Variants in SYNPO2 observed in about 807,000 individuals in gnomAD.
The protein encoded by SYNPO2 is synaptopodin 2.
In SYNPO2, 56 loss-of-function variants were observed where a neutral mutation model predicts 85.0. The observed-to-expected ratio is 0.66, with a 90% CI of 0.53 to 0.82. SYNPO2 has a LOEUF of 0.82. SYNPO2 is among the 40% of genes least tolerant of loss of function. The pLI, the probability that SYNPO2 is intolerant of heterozygous loss-of-function variation, is 0.00. For synonymous variants in SYNPO2, 602 were observed against 591.1 expected, an observed-to-expected ratio of 1.02 and a Z score of -0.27; for missense variants, 1,575 against 1,534.2, an observed-to-expected ratio of 1.03 and a Z score of -0.44.
chr4:118,916,510 T>C (rs1397109257), intron 1 of SYNPO2, among the ~76,000 whole-genome samples: 1 of 151,872 alleles, frequency 6.6e-6, no homozygotes, highest in Non-Finnish European at 1.5e-5. Flanking sequence ...TCAGGTTTTG[T>C]TAGAGAAATC....
intron 1 of SYNPO2, among the ~76,000 whole-genome samples, chr4:119,007,144 TCA>T (rs1222218495): frequency 4.2e-5 from 6 of 141,898 alleles, no homozygotes; most frequent in Admixed American, 7.2e-5. Flanking sequence ...TCTCTGTCTC[TCA>T]CACACACACA....
intron 1 of SYNPO2, among the ~76,000 whole-genome samples, chr4:119,010,126 T>C (rs2149178335): frequency 6.6e-6 from 1 of 152,348 alleles, no homozygotes; most frequent in Non-Finnish European, 1.5e-5. Flanking sequence ...GGTCATCCAG[T>C]AAGCATTGAC....
At chr4:118,908,479 C>A (rs1733016949) in intron 1 of SYNPO2, among the ~76,000 whole-genome samples, 1 of 152,082 alleles carries the variant, frequency 6.6e-6, no homozygotes. Flanking sequence ...AAAATTCTCA[C>A]ATTTTAGTTC....
chr4:118,863,935 C>A (rs1731661064), intron 1 of SYNPO2, among the ~76,000 whole-genome samples: 1 of 152,106 alleles, frequency 6.6e-6, no homozygotes, highest in South Asian at 2.1e-4. Context: ...GTACTGTTTT[C>A]TTCATTCCAA....
intron 1 of SYNPO2, among the ~76,000 whole-genome samples, chr4:118,988,527 A>G (rs1268874328): frequency 1.3e-5 from 2 of 152,196 alleles, no homozygotes; most frequent in Non-Finnish European, 2.9e-5. Context: ...TTAGTTTCCA[A>G]CTGAAGTTTT....
chr4:118,968,036 G>A (rs1252172142), intron 1 of SYNPO2, among the ~76,000 whole-genome samples: 1 of 152,178 alleles, frequency 6.6e-6, no homozygotes, highest in Non-Finnish European at 1.5e-5. Flanking sequence ...AGTGCTCTTG[G>A]TTATTGGTTT....
At chr4:118,962,331 A>C (rs766345030) in intron 1 of SYNPO2, among the ~76,000 whole-genome samples, 1 of 152,218 alleles carries the variant, frequency 6.6e-6, no homozygotes, top group Non-Finnish European at 1.5e-5. Context: ...TTGACATACT[A>C]TGCTTTTTTA....
Position 118,933,041 on chromosome 4 carries a change from T to C in SYNPO2, c.105+43900T>C, listed in dbSNP as rs150585853. Among the ~76,000 whole-genome samples the C allele has an allele frequency of 4.3e-4, 65 of 152,242 alleles. 1 individual carries two copies. The East Asian group carries it at 9.8e-3, about 23-fold the overall frequency. ...AGAAAAAGGCCATAAAAATAAATAA[T>C]GTTCAAGGAGGAAAGACAAGTGAAA... On this transcript the variant is annotated intron_variant, in intron 1 of 4. Coordinates refer to ENST00000307142, the MANE Select transcript of SYNPO2 (RefSeq NM_133477.3).
chr4:118,937,492 C>T (rs1734148834), intron 1 of SYNPO2, among the ~76,000 whole-genome samples: 1 of 152,072 alleles, frequency 6.6e-6, no homozygotes, highest in African/African-American at 2.4e-5. Context: ...TTTGGAGCAC[C>T]TACATGTGTA....
At chr4:118,939,308 G>A (rs961001811) in intron 1 of SYNPO2, among the ~76,000 whole-genome samples, 1 of 152,154 alleles carries the variant, frequency 6.6e-6, no homozygotes, top group African/African-American at 2.4e-5. Flanking sequence ...TAATATCCAA[G>A]AGCACAGTCT....
intron 1 of SYNPO2, among the ~76,000 whole-genome samples, chr4:118,897,782 G>C (rs1448013401): frequency 1.3e-5 from 2 of 152,134 alleles, no homozygotes; most frequent in Admixed American, 6.5e-5. Flanking sequence ...TGGAACCAGG[G>C]CTTGTGTTCT....
At chr4:118,907,195 T>A (rs1732967085) in intron 1 of SYNPO2, among the ~76,000 whole-genome samples, 1 of 152,186 alleles carries the variant, frequency 6.6e-6, no homozygotes, top group African/African-American at 2.4e-5. Context: ...CATACGAAAA[T>A]GTAATCAATA....
chr4:118,992,686 C>G (rs1736457059), intron 1 of SYNPO2, among the ~76,000 whole-genome samples: 1 of 150,118 alleles, frequency 6.7e-6, no homozygotes, highest in Admixed American at 6.7e-5. Flanking sequence ...TGAGCCCTCT[C>G]CATGACCTAC....
At chr4:119,001,443 C>A (rs1736821444) in intron 1 of SYNPO2, among the ~76,000 whole-genome samples, 2 of 152,250 alleles carry the variant, frequency 1.3e-5, no homozygotes, top group African/African-American at 4.8e-5. Context: ...AGGTAAGTAG[C>A]TATTTAACCC....
intron 1 of SYNPO2, among the ~76,000 whole-genome samples, chr4:118,900,928 G>A (rs547260297): frequency 1.3e-5 from 2 of 151,122 alleles, no homozygotes; most frequent in South Asian, 4.2e-4. Flanking sequence ...TTCTTTCTTG[G>A]ATTCCCAGAG....
At chr4:118,883,929 A>G (rs1213379353), upstream of SYNPO2, among the ~76,000 whole-genome samples, 1 of 152,158 alleles carries the variant, frequency 6.6e-6, no homozygotes, top group Non-Finnish European at 1.5e-5. Flanking sequence ...CTTCTGGGTC[A>G]GAGACAAAGA....
intron 1 of SYNPO2, among the ~76,000 whole-genome samples, chr4:119,009,370 A>G (rs1307210226): frequency 6.6e-6 from 1 of 152,222 alleles, no homozygotes; most frequent in African/African-American, 2.4e-5. Context: ...AGTTTAAATA[A>G]AAGAACATGC....
chr4:118,868,564 G>A (rs1276988592), intron 1 of SYNPO2, among the ~76,000 whole-genome samples: 2 of 152,036 alleles, frequency 1.3e-5, no homozygotes, highest in Non-Finnish European at 2.9e-5. Flanking sequence ...TTAAGAGAAG[G>A]AATTTTTCAT....
At chr4:118,859,895 C>A (rs1229472210) in intron 1 of SYNPO2, among the ~76,000 whole-genome samples, 2 of 151,972 alleles carry the variant, frequency 1.3e-5, no homozygotes, top group East Asian at 3.9e-4. Context: ...GCAGATCTCT[C>A]TTTGATATAC....
Sources: allele counts gnomAD v4.1 joint callset (sites outside exome capture counted in the v4.1 genomes callset), GRCh38; gene constraint gnomAD v4.1.1; transcripts MANE v1.5; gene names NCBI Gene and HGNC (gene_info 2026-07-23, HGNC 2026-07-21).